PAOX: variants seen among roughly 807,000 people sequenced by gnomAD.
PAOX encodes polyamine oxidase.
PAOX carries 38 observed loss-of-function variants against 39.0 expected under a neutral mutation model. The observed-to-expected ratio is 0.97, with a 90% confidence interval of 0.75 to 1.28. The LOEUF (loss-of-function observed/expected upper bound fraction) is 1.28. PAOX is among the 50% of genes most tolerant of loss of function. The probability of loss-of-function intolerance (pLI) is 0.00; values close to 1 mark genes in which losing one functional copy is unlikely to be tolerated. For missense variants in PAOX, 667 were observed against 685.7 expected (o/e 0.97, Z 0.30); for synonymous variants, 311 against 314.4 (o/e 0.99, Z 0.11).
At chr10:133,386,952 A>G (rs752559674) in intron 4 of PAOX, among the ~76,000 whole-genome samples, 9 of 152,240 alleles carry the variant, frequency 5.9e-5, no homozygotes, top group Non-Finnish European at 1.3e-4. Flanking sequence ...TGCACTTTAA[A>G]TGGATCTTTT....
chr10:133,379,940 G>T, intron 1 of PAOX, 59 bp from the exon 2 acceptor site: 7 of 1,500,798 alleles, frequency 4.7e-6, no homozygotes, highest in Non-Finnish European at 5.3e-6. Flanking sequence ...CAGGAGAAGG[G>T]CTCGGGGTGA....
rs1286277696 is a variant in PAOX at position 133,380,154 on chromosome 10, G to T, written c.337G>T (p.Val113Leu). The T allele has an allele frequency of 1.9e-6, 3 of 1,604,410 alleles. No homozygotes were observed. The highest frequency in any genetic ancestry group is 2.6e-6 in the Non-Finnish European group (3 of 1,174,612). ...CGGGGGTCACGTGGGCCTGCCCTCC[G>T]TGAGCTACGCCAGCTCCGGGGCCAG... is the stretch of plus-strand genomic sequence containing the variant. ...ETGGHVGLPSVSYASSGASVS... is the reference protein window; with the variant it reads ...ETGGHVGLPSLSYASSGASVS... Residue 113 changes from valine to leucine, a missense_variant, in exon 2 of 7, where the codon GTG becomes TTG. Coordinates refer to ENST00000278060, the MANE Select transcript of PAOX (RefSeq NM_152911.4).
At chr10:133,391,051 C>T (rs555532981) in intron 6 of PAOX, 29 of 696,274 alleles carry the variant, frequency 4.2e-5, no homozygotes, top group Middle Eastern at 2.3e-4. Flanking sequence ...TTTTCCCGCC[C>T]GTTGGTGGAT....
chr10:133,389,669 CT>C lies in PAOX; in HGVS notation c.1315del (p.Tyr439ThrfsTer87). On this transcript the variant is annotated frameshift_variant, in exon 6 of 7. Coordinates refer to ENST00000278060, the MANE Select transcript of PAOX (RefSeq NM_152911.4). LOFTEE classifies it high-confidence loss of function. ...SAPYTRGSYS[Y>X]VAVGSTGGDL... ...CCCCGTACACTAGGGGGTCCTACAG[CT>C]ACGTGGCCGTGGGCAGTACTGGGGG... 2 of 1,612,526 alleles carry C rather than the reference CT, an allele frequency of 1.2e-6. No homozygotes were observed. The highest frequency in any genetic ancestry group is 1.7e-6 in the Non-Finnish European group (2 of 1,179,408).
chr10:133,387,642 G>A (rs1367451958), intron 4 of PAOX, among the ~76,000 whole-genome samples: 1 of 152,244 alleles, frequency 6.6e-6, no homozygotes, highest in Admixed American at 6.5e-5. Context: ...CTGGAATAGC[G>A]TGTGCTAGGT....
At position 133,384,067 on chromosome 10, in the gene PAOX, G is replaced by C; in HGVS notation, c.976G>C (p.Glu326Gln). 6.2e-7 allele frequency: 1 copy of C among 1,614,192 alleles called. No individual in the cohort carries two copies. Among genetic ancestry groups the C allele is most frequent in the Non-Finnish European group, 8.5e-7 (1 of 1,180,012 alleles). The part of the protein sequence containing the change: ...GFGTNNKIFL[E>Q]FEEPFWEPDC... ...TGGGACCAACAACAAAATCTTCCTG[G>C]AGTTTGAGGAGCCCTTCTGGGAGCC... Residue 326 changes from glutamate to glutamine, a missense_variant, in exon 4 of 7, where the codon GAG (glutamate) becomes CAG (glutamine). Coordinates refer to ENST00000278060, the MANE Select transcript of PAOX (RefSeq NM_152911.4). This position sits in a 1 kb window ranked among gnomAD's most constrained non-coding sequence, Gnocchi z 4.3.
In PAOX at chr10:133,380,156, G is replaced by T; in HGVS notation, c.339G>T (p.Val113=). ...ETGGHVGLPS[V]SYASSGASVS... ...GGGGTCACGTGGGCCTGCCCTCCGT[G>T]AGCTACGCCAGCTCCGGGGCCAGCG... The change falls in exon 2 of 7, where the codon GTG becomes GTT. Residue 113 remains valine (V), a synonymous_variant. Transcript: ENST00000278060. The T allele has an allele frequency of 1.2e-6, 2 of 1,605,892 alleles. No homozygotes were observed. Among genetic ancestry groups the T allele is most frequent in the Non-Finnish European group, 1.7e-6 (2 of 1,175,476 alleles).
At position 133,380,236 on chromosome 10, in the gene PAOX, A is replaced by C; in HGVS notation, c.419A>C (p.Gln140Pro). 1 of 1,612,882 alleles carries C rather than the reference A, an allele frequency of 6.2e-7. No homozygotes were observed. The highest frequency in any genetic ancestry group is 8.5e-7 in the Non-Finnish European group (1 of 1,180,016). The change falls in exon 2 of 7, where the codon CAG (glutamine) becomes CCG (proline). Residue 140 changes from glutamine (Q) to proline (P), a missense_variant. By Grantham distance (76) the Gln-to-Pro change is moderately conservative. Coordinates refer to ENST00000278060, the MANE Select transcript of PAOX (RefSeq NM_152911.4). ...MATLFYGLID[Q>P]TREFLHAAET... ...ACTCTGTTCTACGGCCTGATAGACC[A>C]GACCCGGGAGTTCCTGCACGCTGCA... is the stretch of plus-strand genomic sequence containing the variant.
intron 4 of PAOX, among the ~76,000 whole-genome samples, chr10:133,387,708 C>T (rs1402366661): frequency 2.0e-5 from 3 of 152,200 alleles, no homozygotes; most frequent in African/African-American, 4.8e-5. Flanking sequence ...ATGCGGATCC[C>T]GCTTCTCCAC....
intron 4 of PAOX, among the ~76,000 whole-genome samples, chr10:133,385,417 G>A (rs1589896169): frequency 6.6e-6 from 1 of 152,170 alleles, no homozygotes; most frequent in East Asian, 1.9e-4. Flanking sequence ...CACCTCCTGT[G>A]CTCTCTTGCT....
intron 4 of PAOX, among the ~76,000 whole-genome samples, chr10:133,387,291 T>A (rs1037680763): frequency 3.9e-5 from 6 of 151,960 alleles, no homozygotes; most frequent in East Asian, 1.9e-4. Context: ...AAAAATAAAA[T>A]ATATATATAT....
intron 5 of PAOX, 27 bp from the exon 6 acceptor site, chr10:133,389,563 T>C (rs1281589286): frequency 6.2e-7 from 1 of 1,613,636 alleles, no homozygotes; most frequent in South Asian, 1.1e-5. Flanking sequence ...GAGTTCTCGG[T>C]TAACATGCAG....
In PAOX at chr10:133,381,527, C is replaced by T. The variant is rs1849378923; in HGVS notation, c.736C>T (p.Pro246Ser). Residue 246 changes from proline to serine, a missense_variant, in exon 3 of 7, where the codon CCT becomes TCT. By Grantham distance (74) the Pro-to-Ser change is moderately conservative. Transcript: ENST00000278060. ...GGAGGACACTGTAGTTTTTGAGAAG[C>T]CTGTGAAGACCATCCACTGGAACGG... ...LPEDTVVFEKPVKTIHWNGSF... is the reference protein window; with the variant it reads ...LPEDTVVFEKSVKTIHWNGSF... The T allele has an allele frequency of 2.5e-5, 41 of 1,613,562 alleles. No individual in the cohort carries two copies. The highest frequency in any genetic ancestry group is 3.3e-5 in the Non-Finnish European group (39 of 1,180,048).
In PAOX at chr10:133,384,931, G is replaced by A. The variant is rs1306809981; in HGVS notation, c.1121+719G>A. Among the ~76,000 whole-genome samples the A allele has an allele frequency of 1.3e-5, 2 of 152,184 alleles. No homozygotes were observed. The highest frequency in any genetic ancestry group is 3.8e-4 in the East Asian group (2 of 5,198). The stretch of plus-strand genomic sequence containing the variant: ...AGTTGCCATCCACTGGGAGCAGGAG[G>A]CTGCAGGCTGCAGACCAGCCCTGCA... On this transcript the variant is annotated intron_variant, in intron 4 of 6. Coordinates refer to ENST00000278060, the MANE Select transcript of PAOX (RefSeq NM_152911.4). This position sits in a 1 kb window ranked among gnomAD's most constrained non-coding sequence, Gnocchi z 4.3.
At position 133,391,493 on chromosome 10, in the gene PAOX, T is replaced by C; in HGVS notation, c.*38T>C. 1.3e-6 allele frequency: 2 copies of C among 1,573,808 alleles called. No homozygotes were observed. The highest frequency in any genetic ancestry group is 1.7e-6 in the Non-Finnish European group (2 of 1,160,350). Reference sequence around the variant, plus strand: ...TACTCTGTTCCACCCGTGTCGGGGGTAGGCTGGGACCCTCATTTCTTCTGA... The same window carrying C: ...TACTCTGTTCCACCCGTGTCGGGGGCAGGCTGGGACCCTCATTTCTTCTGA... On this transcript the variant is annotated 3_prime_UTR_variant, in exon 7 of 7. Transcript: ENST00000278060.
At chr10:133,381,373 C>T (rs572072151) in intron 2 of PAOX, 87 bp from the exon 3 acceptor site, 266 of 1,280,678 alleles carry the variant, frequency 2.1e-4, no homozygotes, top group East Asian at 6.9e-4. Flanking sequence ...ACCTTTGATG[C>T]GGGTGGGAAC....
Position 133,381,643 on chromosome 10 carries a change from C to T in PAOX, c.852C>T (p.Ile284=), listed in dbSNP as rs772609287. ...DGDRFPAHHV[I]VTVPLGFLRE... is the part of the protein sequence containing the mutation. The stretch of plus-strand genomic sequence containing the variant: ...ACCGGTTCCCGGCGCACCATGTCAT[C>T]GTCACCGTGCCCTTAGGTAGGTCAG... Residue 284 remains isoleucine, a synonymous_variant, in exon 3 of 7, where the codon ATC becomes ATT. Transcript: ENST00000278060. 19 of 1,613,062 alleles carry T rather than the reference C, an allele frequency of 1.2e-5. No individual in the cohort carries two copies. The highest frequency in any genetic ancestry group is 3.3e-5 in the South Asian group (3 of 91,088).
chr10:133,381,630 C>T lies in PAOX; in HGVS notation c.839C>T (p.Ala280Val), dbSNP rs774794564. 5.6e-6 allele frequency: 9 copies of T among 1,613,154 alleles called. No homozygotes were observed. Among genetic ancestry groups the T allele is most frequent in the African/African-American group, 2.7e-5 (2 of 74,904 alleles). Residue 280 changes from alanine (A) to valine (V), a missense_variant, in exon 3 of 7, where the codon GCG (alanine) becomes GTG (valine). By Grantham distance (64) the Ala-to-Val change is moderately conservative. Transcript: ENST00000278060. ...TGTGAGGATGGAGACCGGTTCCCGG[C>T]GCACCATGTCATCGTCACCGTGCCC... ...VECEDGDRFP[A>V]HHVIVTVPLG...
chr10:133,388,180 G>A (rs1031386764), intron 4 of PAOX, among the ~76,000 whole-genome samples: 7 of 152,028 alleles, frequency 4.6e-5, no homozygotes, highest in African/African-American at 7.3e-5. Context: ...AGGGATATAC[G>A]TGCAGGTTTG....
Sources: allele counts gnomAD v4.1 joint callset (sites outside exome capture counted in the v4.1 genomes callset), GRCh38; gene constraint gnomAD v4.1.1; non-coding constraint Gnocchi (gnomAD v3.1); transcripts MANE v1.5; gene names NCBI Gene and HGNC (gene_info 2026-07-23, HGNC 2026-07-21).